The following RIMS3 variants were observed in gnomAD, a reference collection of about 807,000 sequenced individuals.
RIMS3 encodes the protein regulating synaptic membrane exocytosis protein 3.
RIMS3 carries 15 observed loss-of-function variants against 29.2 expected under a neutral mutation model. That is an observed-to-expected ratio of 0.51 (90% CI 0.34 to 0.79). RIMS3 has a LOEUF of 0.79. RIMS3 is among the 30% of genes least tolerant of loss of function. RIMS3 has a pLI of 0.01. For missense variants in RIMS3, 342 were observed against 421.4 expected (o/e 0.81, Z 1.65); for synonymous variants, 161 against 170.1 (o/e 0.95, Z 0.41).
chr1:40,636,058 C>T lies in RIMS3; in HGVS notation c.218-1G>A, dbSNP rs1416221884. ...CTGCGCAGCTTCTTGGTGGCCCCTT[C>T]TGTGACCCCCCCAACCCCAAGCACA... On this transcript the variant is annotated splice_acceptor_variant, in intron 3 of 7. Coordinates refer to ENST00000372684, the MANE Select transcript of RIMS3 (RefSeq NM_014747.3). LOFTEE classifies it high-confidence loss of function. This position sits in a 1 kb window ranked among gnomAD's most constrained non-coding sequence, Gnocchi z 4.2. The T allele has an allele frequency of 8.1e-6, 13 of 1,602,706 alleles. No homozygotes were observed. Among genetic ancestry groups the T allele is most frequent in the Non-Finnish European group, 1.1e-5 (13 of 1,179,930 alleles).
rs1646515140 is a variant in RIMS3 at position 40,635,782 on chromosome 1, G to A, written c.359+134C>T. ...AGAGTGTTGAGGGGAGGGGTATGAAGGAAGGCAGAGACACAGAGGACCCAG... is the reference window on the plus strand; with the variant it reads ...AGAGTGTTGAGGGGAGGGGTATGAAAGAAGGCAGAGACACAGAGGACCCAG... On this transcript the variant is annotated intron_variant, in intron 4 of 7. Transcript: ENST00000372684. The surrounding 1 kb of genome is among the most constrained non-coding windows in gnomAD (Gnocchi z 4.1). 8.5e-7 allele frequency: 1 copy of A among 1,171,460 alleles called. No homozygotes were observed. Among genetic ancestry groups the A allele is most frequent in the East Asian group, 2.4e-5 (1 of 42,412 alleles). The allele number at this position is 1,171,460 out of a possible 1,614,324, so 72.6% of individuals were successfully genotyped here. A position where few individuals can be genotyped will look rare whatever the true frequency, so the allele number is the denominator to read the frequency against.
chr1:40,635,370 G>C lies in RIMS3; in HGVS notation c.359+546C>G, dbSNP rs1646513084. ...AAAAAATGGAAACAAAAGTTCACGAGGCAATTTATTCTTACTTCATAAGAT... is the reference window on the plus strand; with the variant it reads ...AAAAAATGGAAACAAAAGTTCACGACGCAATTTATTCTTACTTCATAAGAT... On this transcript the variant is annotated intron_variant, in intron 4 of 7. Transcript: ENST00000372684. This position sits in a 1 kb window ranked among gnomAD's most constrained non-coding sequence, Gnocchi z 4.1. Among the ~76,000 whole-genome samples, 1 of 152,192 alleles carries C rather than the reference G, an allele frequency of 6.6e-6. No homozygotes were observed. The highest frequency in any genetic ancestry group is 1.5e-5 in the Non-Finnish European group (1 of 68,040).
At chr1:40,687,140 C>T in the RIMS3 span, among the ~76,000 whole-genome samples, 6 of 152,262 alleles carry the variant, frequency 3.9e-5, no homozygotes, top group South Asian at 8.3e-4. Flanking sequence ...GCATCATTCA[C>T]AGTGGCCAAA....
chr1:40,668,620 C>T (rs1313850735), upstream of RIMS3, among the ~76,000 whole-genome samples: 2 of 151,802 alleles, frequency 1.3e-5, no homozygotes, highest in East Asian at 3.9e-4. Flanking sequence ...TATTTAACAC[C>T]ATAATGTATC....
Position 40,636,847 on chromosome 1 carries a change from T to C in RIMS3, c.218-790A>G, listed in dbSNP as rs1037699758. 3.9e-5 allele frequency among the ~76,000 whole-genome samples: 6 copies of C among 152,160 alleles called. No individual in the cohort carries two copies. Among genetic ancestry groups the C allele is most frequent in the Admixed American group, 1.3e-4 (2 of 15,288 alleles). On this transcript the variant is annotated intron_variant, in intron 3 of 7. Coordinates refer to ENST00000372684, the MANE Select transcript of RIMS3 (RefSeq NM_014747.3). This position sits in a 1 kb window ranked among gnomAD's most constrained non-coding sequence, Gnocchi z 4.2. ...AGCCTTGCAGGGAACATGGGACACTTTCCCTCTCCCAGCAGCACACCATCC... is the reference window on the plus strand; with the variant it reads ...AGCCTTGCAGGGAACATGGGACACTCTCCCTCTCCCAGCAGCACACCATCC...
the RIMS3 span, among the ~76,000 whole-genome samples, chr1:40,687,005 C>CAA: frequency 8.2e-3 from 1,170 of 142,450 alleles, 19 homozygotes; most frequent in African/African-American, 0.023. Context: ...GGTGGCTCCT[C>CAA]AAAAAAAAAA....
At chr1:40,642,678 G>A (rs745398667) in intron 2 of RIMS3, among the ~76,000 whole-genome samples, 8 of 151,834 alleles carry the variant, frequency 5.3e-5, no homozygotes, top group Non-Finnish European at 8.8e-5. Flanking sequence ...TATCATGGTC[G>A]GGCACAGTGG....
intron 1 of RIMS3, among the ~76,000 whole-genome samples, chr1:40,650,644 G>A (rs929346652): frequency 4.6e-5 from 7 of 151,638 alleles, no homozygotes; most frequent in Non-Finnish European, 8.8e-5. Context: ...GGTGAATCGC[G>A]TGAGCCCAGG....
At position 40,654,571 on chromosome 1, in the gene RIMS3, A is replaced by G. The variant is rs576436448; in HGVS notation, c.-206-6729T>C. 2.0e-5 allele frequency among the ~76,000 whole-genome samples: 3 copies of G among 151,796 alleles called. No individual in the cohort carries two copies. The East Asian group carries it at 5.8e-4, about 29-fold the overall frequency. On this transcript the variant is annotated intron_variant, in intron 1 of 7. Coordinates refer to ENST00000372684, the MANE Select transcript of RIMS3 (RefSeq NM_014747.3). This position sits in a 1 kb window ranked among gnomAD's most constrained non-coding sequence, Gnocchi z 5.3. ...AGCACACACATGCACACAAAAACAC[A>G]CCTTGTGCACCACAGACTCACATGG...
At chr1:40,645,827 A>G (rs1646591840) in intron 2 of RIMS3, among the ~76,000 whole-genome samples, 1 of 152,198 alleles carries the variant, frequency 6.6e-6, no homozygotes, top group Admixed American at 6.5e-5. Context: ...GTTTGGCATC[A>G]AGGTCTCTGC....
At chr1:40,641,165 G>T (rs1405367350) in intron 3 of RIMS3, among the ~76,000 whole-genome samples, 2 of 152,116 alleles carry the variant, frequency 1.3e-5, no homozygotes, top group Non-Finnish European at 2.9e-5. Context: ...AAACCAGGGG[G>T]TCTCACTATG....
chr1:40,678,640 AGCT>A, the RIMS3 span, among the ~76,000 whole-genome samples: 1 of 152,176 alleles, frequency 6.6e-6, no homozygotes, highest in African/African-American at 2.4e-5. Flanking sequence ...CAGTTCTAAT[AGCT>A]GGGGACAGGT....
At chr1:40,632,167 G>C (rs1646493078) in intron 5 of RIMS3, among the ~76,000 whole-genome samples, 1 of 151,852 alleles carries the variant, frequency 6.6e-6, no homozygotes, top group Admixed American at 6.6e-5. Context: ...TACAGGCACA[G>C]GCCACTGCAA....
In RIMS3 at chr1:40,644,104, C is replaced by T. The variant is rs186764546; in HGVS notation, c.-31-2148G>A. 2.6e-3 allele frequency among the ~76,000 whole-genome samples: 391 copies of T among 152,288 alleles called. 2 individuals carry two copies. The highest frequency in any genetic ancestry group is 8.8e-3 in the African/African-American group (367 of 41,548). ...TCTCTCTCTGTCCTTCTCTTTCCTA[C>T]ACCCTAGAGAGGGCTAAGCCCTAGG... On this transcript the variant is annotated intron_variant, in intron 2 of 7. Coordinates refer to ENST00000372684, the MANE Select transcript of RIMS3 (RefSeq NM_014747.3).
rs139425090 is a variant in RIMS3, at chr1:40,640,426, C to T, written c.217+1283G>A. 6.3e-3 allele frequency among the ~76,000 whole-genome samples: 960 copies of T among 152,278 alleles called. 12 individuals are homozygous for T. The highest frequency in any genetic ancestry group is 0.022 in the African/African-American group (926 of 41,550). ...AAAAGACCAGCCCACGTGCTACTGT[C>T]GACGGCTTTGTATAAATCTATTTTA... is the stretch of plus-strand genomic sequence containing the variant. On this transcript the variant is annotated intron_variant, in intron 3 of 7. Transcript: ENST00000372684.
At chr1:40,685,353 TTA>T in the RIMS3 span, among the ~76,000 whole-genome samples, 1 of 46,578 alleles carries the variant, frequency 2.1e-5, no homozygotes, top group Non-Finnish European at 4.2e-5. Flanking sequence ...TATATATATA[TTA>T]TATAATATAA....
chr1:40,652,219 C>G (rs1186097882), intron 1 of RIMS3, among the ~76,000 whole-genome samples: 1 of 152,200 alleles, frequency 6.6e-6, no homozygotes, highest in Non-Finnish European at 1.5e-5. Context: ...AAAGGTGACT[C>G]CCCAAACGGA....
At chr1:40,655,721 T>C (rs1463575870) in intron 1 of RIMS3, among the ~76,000 whole-genome samples, 2 of 152,250 alleles carry the variant, frequency 1.3e-5, no homozygotes, top group African/African-American at 2.4e-5. Context: ...TACAGACTCC[T>C]AGGCTGGGCA....
Position 40,626,357 on chromosome 1 carries a change from C to A in RIMS3, c.*160G>T, listed in dbSNP as rs1646454063. ...ACACACACACGCACGCACACACGCA[C>A]ACACTACAGTCTCCACTGCCAGCTG... is the stretch of plus-strand genomic sequence containing the variant. On this transcript the variant is annotated 3_prime_UTR_variant, in exon 8 of 8. Coordinates refer to ENST00000372684, the MANE Select transcript of RIMS3 (RefSeq NM_014747.3). 1.4e-6 allele frequency: 1 copy of A among 702,592 alleles called. No individual in the cohort carries two copies. The highest frequency in any genetic ancestry group is 2.1e-5 in the Admixed American group (1 of 48,616). 43.5% of individuals were successfully genotyped at this position (702,592 alleles called of 1,614,324 possible). A position where few individuals can be genotyped will look rare whatever the true frequency, so the allele number is the denominator to read the frequency against.
Sources: allele counts gnomAD v4.1 joint callset (sites outside exome capture counted in the v4.1 genomes callset), GRCh38; gene constraint gnomAD v4.1.1; non-coding constraint Gnocchi (gnomAD v3.1); transcripts MANE v1.5; gene names NCBI Gene and HGNC (gene_info 2026-07-23, HGNC 2026-07-21).